The following ABCC8 variants were observed in gnomAD, a reference collection of about 807,000 sequenced individuals.
The protein encoded by ABCC8 is ATP-binding cassette sub-family C member 8.
Under a neutral mutation model 188.0 loss-of-function variants are expected in ABCC8, and 137 were observed. The observed-to-expected ratio is 0.73, with a 90% confidence interval of 0.63 to 0.84. The LOEUF (loss-of-function observed/expected upper bound fraction) is 0.84. Among genes scored for constraint, ABCC8 ranks in the 40% least tolerant of loss-of-function variants. The pLI, the probability that ABCC8 is intolerant of heterozygous loss-of-function variation, is 0.00. For missense variants in ABCC8, 1,750 were observed against 2,072.7 expected (o/e 0.84, Z 3.02); for synonymous variants, 797 against 846.5 (o/e 0.94, Z 1.01).
At chr11:17,461,521 C>A in intron 5 of ABCC8, 62 bp downstream of exon 5, 1 of 1,604,492 alleles carries the variant, frequency 6.2e-7, no homozygotes. Context: ...CCTTTGAGGT[C>A]CCTCTCTGTG....
At chr11:17,393,972 G>A (rs771531570) in intron 37 of ABCC8, 155 of 623,822 alleles carry the variant, frequency 2.5e-4, no homozygotes, top group Admixed American at 5.7e-4. Context: ...TGTAGGTTGT[G>A]GTTGTGGCTG....
intron 22 of ABCC8, among the ~76,000 whole-genome samples, chr11:17,409,627 A>G (rs543439083): frequency 7.3e-4 from 111 of 152,316 alleles, no homozygotes; most frequent in South Asian, 5.8e-3. Context: ...TTTTGGGGAA[A>G]ATAAGCAGAG....
intron 29 of ABCC8, among the ~76,000 whole-genome samples, chr11:17,399,301 A>AACAAAC (rs1554907454): frequency 1.5e-5 from 2 of 136,278 alleles, no homozygotes; most frequent in Admixed American, 8.0e-5. Flanking sequence ...AAAAAAAAAA[A>AACAAAC]AAACAAATAA....
At chr11:17,472,619 G>C (rs1353412601) in intron 2 of ABCC8, among the ~76,000 whole-genome samples, 2 of 152,158 alleles carry the variant, frequency 1.3e-5, no homozygotes, top group Non-Finnish European at 2.9e-5. Context: ...CTCAGGCCTG[G>C]GGGTAGGAGC....
chr11:17,413,269 G>T, intron 20 of ABCC8, 125 bp downstream of exon 20: 2 of 1,430,570 alleles, frequency 1.4e-6, no homozygotes, highest in African/African-American at 1.4e-5. Flanking sequence ...TGACCTTACT[G>T]CAGGCAACTC....
Position 17,395,635 on chromosome 11 carries a change from G to C in ABCC8, c.4282C>G (p.Pro1428Ala). Reference sequence around the variant, plus strand: ...CGGATGGTGCCGCTGAAGAGGACGGGGTCCTGCAGGATGATGGAGAGGCGT... The same window carrying C: ...CGGATGGTGCCGCTGAAGAGGACGGCGTCCTGCAGGATGATGGAGAGGCGT... ...RSRLSIILQD[P>A]VLFSGTIRFN... Residue 1428 changes from proline to alanine, a missense_variant, in exon 35 of 39, where the codon CCC becomes GCC. Physicochemically the swap from Pro to Ala is conservative, Grantham distance 27. Transcript: ENST00000389817. 1 of 1,558,030 alleles carries C rather than the reference G, an allele frequency of 6.4e-7. No individual in the cohort carries two copies. Among genetic ancestry groups the C allele is most frequent in the Non-Finnish European group, 8.7e-7 (1 of 1,151,430 alleles).
intron 10 of ABCC8, among the ~76,000 whole-genome samples, chr11:17,436,509 G>T (rs996534648): frequency 3.3e-5 from 5 of 152,134 alleles, no homozygotes; most frequent in African/African-American, 1.2e-4. Flanking sequence ...TCCAACTCAG[G>T]CCCAAGGTGA....
intron 6 of ABCC8, among the ~76,000 whole-genome samples, chr11:17,456,840 A>G (rs527617590): frequency 7.3e-4 from 111 of 152,346 alleles, no homozygotes; most frequent in African/African-American, 2.5e-3. Context: ...TAAGCACTCA[A>G]TATATAGTAA....
chr11:17,413,200 C>A (rs1445753379), intron 20 of ABCC8, among the ~76,000 whole-genome samples, 194 bp downstream of exon 20: 1 of 152,180 alleles, frequency 6.6e-6, no homozygotes, highest in Non-Finnish European at 1.5e-5. Context: ...ACTAAGCTGA[C>A]CTTGCCCTCC....
intron 7 of ABCC8, 147 bp downstream of exon 7, chr11:17,452,972 T>C (rs1956867567): frequency 2.5e-6 from 2 of 813,596 alleles, no homozygotes; most frequent in African/African-American, 3.4e-5. Flanking sequence ...TGTCAATGGT[T>C]ACTGTTTTAA....
chr11:17,428,129 C>T (rs1955670499), intron 14 of ABCC8, 160 bp downstream of exon 14: 1 of 1,558,174 alleles, frequency 6.4e-7, no homozygotes, highest in Admixed American at 1.7e-5. Context: ...CTGGGGGTCC[C>T]CCCACTTGGT....
intron 3 of ABCC8, among the ~76,000 whole-genome samples, chr11:17,465,081 T>G (rs3819524): frequency 0.32 from 48,153 of 152,110 alleles, 7,698 homozygotes; most frequent in Middle Eastern, 0.45. Context: ...CTTGGGTCCC[T>G]GCAGGAGGAC....
chr11:17,470,347 C>T (rs1848414493), intron 2 of ABCC8, 125 bp from the exon 3 acceptor site: 1 of 1,523,274 alleles, frequency 6.6e-7, no homozygotes, highest in African/African-American at 1.4e-5. Context: ...GGCTGCAGGG[C>T]CCTTTAGTTA....
chr11:17,442,415 T>C (rs1355841263), intron 10 of ABCC8, among the ~76,000 whole-genome samples: 1 of 152,238 alleles, frequency 6.6e-6, no homozygotes, highest in African/African-American at 2.4e-5. Flanking sequence ...CTGCTGTCTG[T>C]CAATAACATA....
intron 6 of ABCC8, among the ~76,000 whole-genome samples, chr11:17,456,549 G>A (rs538774873): frequency 2.1e-4 from 32 of 152,286 alleles, no homozygotes; most frequent in African/African-American, 6.5e-4. Flanking sequence ...TGAGTTGTCC[G>A]TAGGTCCCAG....
At chr11:17,462,807 TA>T (rs1207083818) in intron 4 of ABCC8, among the ~76,000 whole-genome samples, 1 of 152,066 alleles carries the variant, frequency 6.6e-6, no homozygotes, top group South Asian at 2.1e-4. Context: ...AACTGCATAA[TA>T]TGATCCCATT....
Position 17,394,363 on chromosome 11 carries a change from T to A in ABCC8, c.4448A>T (p.Gln1483Leu), listed in dbSNP as rs1953794030. The change falls in exon 37 of 39, where the codon CAG (glutamine) becomes CTG (leucine). Residue 1483 changes from glutamine to leucine, a missense_variant. Transcript: ENST00000389817. ...IITEGGENFS[Q>L]GQRQLFCLAR... ...CAGGCAGAACAGCTGCCTCTGTCCC[T>A]GGCTGAAATTCTCCCCGCCTTCTGT... is the stretch of plus-strand genomic sequence containing the variant. 3 of 1,614,186 alleles carry A rather than the reference T, an allele frequency of 1.9e-6. No homozygotes were observed. Among genetic ancestry groups the A allele is most frequent in the Non-Finnish European group, 2.5e-6 (3 of 1,180,044 alleles).
At chr11:17,422,801 CCCATCTTTCATAATGCACCCCATGCAT>C (rs1193008310) in intron 16 of ABCC8, among the ~76,000 whole-genome samples, 2 of 152,156 alleles carry the variant, frequency 1.3e-5, no homozygotes, top group African/African-American at 4.8e-5. Context: ...CTTCTTCAGT[CCCATCTTTCATAATGCACCCCATGCAT>C]CCAGTGTTCC....
chr11:17,424,226 A>ATCT (rs3033409), intron 16 of ABCC8, among the ~76,000 whole-genome samples: 87,138 of 151,674 alleles, frequency 0.57, 25,395 homozygotes, highest in Admixed American at 0.64. Flanking sequence ...GGGGCTTAAA[A>ATCT]AGATGACAGG....
Sources: gnomAD v4.1 joint callset for allele counts (sites outside exome capture counted in the v4.1 genomes callset) on GRCh38, gnomAD v4.1.1 for gene constraint, MANE v1.5 for transcripts, NCBI Gene and HGNC (gene_info 2026-07-23, HGNC 2026-07-21) for gene names.